XDH: variants seen among roughly 807,000 people sequenced by gnomAD.
The protein encoded by XDH is xanthine dehydrogenase/oxidase.
XDH carries 138 observed loss-of-function variants against 156.1 expected under a neutral mutation model. The ratio of observed to expected loss-of-function variants is 0.88; its 90% CI spans 0.77 to 1.02. The LOEUF is 1.02. Among genes scored for constraint, XDH ranks in the 50% least tolerant of loss-of-function variants. The pLI, the probability that XDH is intolerant of heterozygous loss-of-function variation, is 0.00. For synonymous variants in XDH, 669 were observed against 625.7 expected, an observed-to-expected ratio of 1.07 and a Z score of -1.03; for missense variants, 1,849 against 1,684.9, an observed-to-expected ratio of 1.10 and a Z score of -1.71.
intron 1 of XDH, among the ~76,000 whole-genome samples, chr2:31,406,695 A>G (rs753374799): frequency 3.9e-5 from 6 of 152,164 alleles, no homozygotes; most frequent in Non-Finnish European, 8.8e-5. Flanking sequence ...CTGTCATCTC[A>G]TTTCAACTGC....
intron 2 of XDH, among the ~76,000 whole-genome samples, chr2:31,404,680 A>G (rs1258085400): frequency 6.6e-6 from 1 of 152,160 alleles, no homozygotes; most frequent in Non-Finnish European, 1.5e-5. Flanking sequence ...CAGACCTCCC[A>G]GGTAGATGGG....
In XDH at chr2:31,405,973, A is replaced by AT. The variant is rs1431944307; in HGVS notation, c.43-10dup. 1 of 1,613,952 alleles carries AT rather than the reference A, an allele frequency of 6.2e-7. No individual in the cohort carries two copies. Among genetic ancestry groups the AT allele is most frequent in the African/African-American group, 1.3e-5 (1 of 74,934 alleles). On this transcript the variant is annotated splice_polypyrimidine_tract_variant and intron_variant, in intron 1 of 35. Transcript: ENST00000379416. ...GCATTTTTCTCCACCACCTATTAAA[A>AT]TAAATGAAAGAAAAATATATCATAG...
At chr2:31,363,472 G>A (rs1230047892) in intron 24 of XDH, among the ~76,000 whole-genome samples, 1 of 152,180 alleles carries the variant, frequency 6.6e-6, no homozygotes, top group African/African-American at 2.4e-5. Context: ...AATGGTAATG[G>A]GAATGACTAC....
chr2:31,342,206 C>T lies in XDH; in HGVS notation c.3496G>A (p.Asp1166Asn), dbSNP rs1159401289. ...YGVACSEVEI[D>N]CLTGDHKNLR... ...ACCTTATGATCTCCTGTTAGGCAGT[C>T]GATTTCTACTTCAGAGCAAGCCACC... Residue 1166 changes from aspartate to asparagine, a missense_variant, in exon 32 of 36, where the codon GAC becomes AAC. Transcript: ENST00000379416. 3 of 1,614,060 alleles carry T rather than the reference C, an allele frequency of 1.9e-6. No individual in the cohort carries two copies. Among genetic ancestry groups the T allele is most frequent in the South Asian group, 2.2e-5 (2 of 91,046 alleles).
chr2:31,351,241 T>C (rs1463546178), intron 24 of XDH, among the ~76,000 whole-genome samples: 1 of 152,226 alleles, frequency 6.6e-6, no homozygotes, highest in Admixed American at 6.5e-5. Context: ...TTACAATTTC[T>C]TCTCTCTTGA....
intron 16 of XDH, among the ~76,000 whole-genome samples, chr2:31,372,830 T>C (rs936329970): frequency 6.6e-6 from 1 of 152,134 alleles, no homozygotes; most frequent in African/African-American, 2.4e-5. Flanking sequence ...ATATAGTATA[T>C]ACATGTCCAT....
chr2:31,379,299 G>T (rs1351105011), intron 13 of XDH, among the ~76,000 whole-genome samples: 1 of 152,184 alleles, frequency 6.6e-6, no homozygotes, highest in African/African-American at 2.4e-5. Flanking sequence ...CCACAGCGAG[G>T]TCAGTGAAGC....
At chr2:31,398,765 G>A (rs1003322495) in intron 4 of XDH, 66 bp from the exon 5 acceptor site, 55 of 1,605,704 alleles carry the variant, frequency 3.4e-5, no homozygotes, top group African/African-American at 5.4e-5. Flanking sequence ...CAAAGGACTC[G>A]ACTGGAGCCA....
chr2:31,372,948 T>G (rs1338032345), intron 16 of XDH, among the ~76,000 whole-genome samples: 1 of 152,224 alleles, frequency 6.6e-6, no homozygotes, highest in African/African-American at 2.4e-5. Flanking sequence ...CTTTTCTGTA[T>G]TTTCTAAAAT....
At chr2:31,349,028 G>C in intron 26 of XDH, 48 bp from the exon 27 acceptor site, 1 of 1,554,032 alleles carries the variant, frequency 6.4e-7, no homozygotes, top group Middle Eastern at 1.7e-4. Flanking sequence ...TCATATTGAG[G>C]ACATGAATAT....
intron 31 of XDH, 102 bp downstream of exon 31, chr2:31,344,582 C>T: frequency 7.5e-7 from 1 of 1,330,778 alleles, no homozygotes; most frequent in Non-Finnish European, 1.1e-6. Flanking sequence ...AGTGGAGCTG[C>T]TCTCTCCTGA....
chr2:31,343,305 TA>T lies in XDH; in HGVS notation c.3405-1009del, dbSNP rs1685176907. Among the ~76,000 whole-genome samples, 5 of 101,042 alleles carry T rather than the reference TA, an allele frequency of 4.9e-5. 1 individual carries two copies. In the East Asian group the frequency reaches 1.0e-3, roughly 21 times the overall value. The allele number at this position is 101,042 out of a possible 152,430, so 66.3% of individuals were successfully genotyped here. A position where few individuals can be genotyped will look rare whatever the true frequency, so the allele number is the denominator to read the frequency against. On this transcript the variant is annotated intron_variant, in intron 31 of 35. Coordinates refer to ENST00000379416, the MANE Select transcript of XDH (RefSeq NM_000379.4). Reference sequence around the variant, plus strand: ...TTCACCATATATATATATATATATATATATATATATATATATATATATGCAT... The same window carrying T: ...TTCACCATATATATATATATATATATTATATATATATATATATATATGCAT...
chr2:31,365,441 C>A lies in XDH; in HGVS notation c.2544+16G>T. 1.2e-6 allele frequency: 2 copies of A among 1,614,038 alleles called. No homozygotes were observed. Among genetic ancestry groups the A allele is most frequent in the Non-Finnish European group, 1.7e-6 (2 of 1,179,872 alleles). On this transcript the variant is annotated intron_variant, in intron 23 of 35. Transcript: ENST00000379416. ...AATGGCTCATCCCGCCCCAGCACAG[C>A]CCCAACATCTAGAACCTTGTATCTG...
intron 35 of XDH, among the ~76,000 whole-genome samples, chr2:31,336,508 G>A (rs1393397401): frequency 6.6e-6 from 1 of 152,004 alleles, no homozygotes; most frequent in African/African-American, 2.4e-5. Context: ...CAGGGAAATG[G>A]GTTTGGGTGA....
At chr2:31,393,903 T>C (rs934938687) in intron 6 of XDH, among the ~76,000 whole-genome samples, 2 of 151,910 alleles carry the variant, frequency 1.3e-5, no homozygotes, top group Non-Finnish European at 2.9e-5. Context: ...AGGTAGTGAT[T>C]GTATCTTATA....
intron 31 of XDH, among the ~76,000 whole-genome samples, chr2:31,344,477 A>G (rs1685225591): frequency 6.6e-6 from 1 of 152,214 alleles, no homozygotes; most frequent in African/African-American, 2.4e-5. Context: ...TCTGACACAC[A>G]GCTGGTGCTT....
chr2:31,363,897 C>T (rs1300029935), intron 24 of XDH, among the ~76,000 whole-genome samples: 1 of 152,150 alleles, frequency 6.6e-6, no homozygotes, highest in Non-Finnish European at 1.5e-5. Flanking sequence ...AATGCCACCA[C>T]ACTATACATA....
chr2:31,383,954 A>G (rs1686512414), intron 9 of XDH, 107 bp from the exon 10 acceptor site: 1 of 960,358 alleles, frequency 1.0e-6, no homozygotes, highest in Non-Finnish European at 1.6e-6. Flanking sequence ...CATATCCACA[A>G]TCATAATATG....
At chr2:31,382,024 T>C (rs1220821233) in intron 11 of XDH, among the ~76,000 whole-genome samples, 2 of 152,158 alleles carry the variant, frequency 1.3e-5, no homozygotes, top group Admixed American at 6.5e-5. Flanking sequence ...AGGATTGAGG[T>C]GATTTATCAC....
Sources: gnomAD v4.1 joint callset for allele counts (sites outside exome capture counted in the v4.1 genomes callset) on GRCh38, gnomAD v4.1.1 for gene constraint, MANE v1.5 for transcripts, NCBI Gene and HGNC (gene_info 2026-07-23, HGNC 2026-07-21) for gene names.